The following FSIP2 variants were observed in gnomAD, a reference collection of about 807,000 sequenced individuals.
FSIP2 encodes fibrous sheath-interacting protein 2.
In FSIP2, 367 loss-of-function variants were observed where a neutral mutation model predicts 510.5. The ratio of observed to expected loss-of-function variants is 0.72; its 90% CI spans 0.66 to 0.78. The LOEUF is 0.78. Among genes scored for constraint, FSIP2 ranks in the 30% least tolerant of loss-of-function variants. The pLI, the probability that FSIP2 is intolerant of heterozygous loss-of-function variation, is 0.00. For synonymous variants in FSIP2, 2,601 were observed against 2,732.2 expected (o/e 0.95, Z 1.50); for missense variants, 7,594 against 7,901.7 (o/e 0.96, Z 1.48).
chr2:185,810,414 C>T (rs1374715684), intron 17 of FSIP2, among the ~76,000 whole-genome samples: 2 of 151,960 alleles, frequency 1.3e-5, no homozygotes, highest in African/African-American at 4.8e-5. Context: ...CCTGCCTTCA[C>T]TTTGTGATGT....
Position 185,809,013 on chromosome 2 carries a change from G to C in FSIP2, c.19707G>C (p.Leu6569=), listed in dbSNP as rs1215249913. ...GAACTGGACATAGCATAGCAGAACT[G>C]AGAAGAGCATCAATAAGTGGGAGAA... The part of the protein sequence containing the change: ...LKRTGHSIAE[L]RRASISGRNY... The change falls in exon 17 of 23, where the codon CTG becomes CTC. Residue 6569 remains leucine (L), a synonymous_variant. Transcript: ENST00000424728. 6.2e-7 allele frequency: 1 copy of C among 1,612,682 alleles called. No homozygotes were observed. Among genetic ancestry groups the C allele is most frequent in the Non-Finnish European group, 8.5e-7 (1 of 1,179,480 alleles).
Position 185,828,148 on chromosome 2 carries a change from C to G in FSIP2, c.20474-8C>G. ...ACTATTTTACTTTTTTTTTTTTAAT[C>G]TCTACAGAAAGTTCTCAGGAACAAA... On this transcript the variant is annotated splice_region_variant and splice_polypyrimidine_tract_variant and intron_variant, in intron 20 of 22. Coordinates refer to ENST00000424728, the MANE Select transcript of FSIP2 (RefSeq NM_173651.4). 6.7e-7 allele frequency: 1 copy of G among 1,503,152 alleles called. No homozygotes were observed. Among genetic ancestry groups the G allele is most frequent in the Non-Finnish European group, 9.1e-7 (1 of 1,093,290 alleles). 93.1% of individuals were successfully genotyped at this position (1,503,152 alleles called of 1,614,324 possible).
rs997724712 is a variant in FSIP2, at chr2:185,819,609, T to C, written c.20426+4138T>C. ...GATAATAATTAAAAACATATACAAA[T>C]GGTCTGCAGCTTAATGAAAATTTGA... is the stretch of plus-strand genomic sequence containing the variant. On this transcript the variant is annotated intron_variant, in intron 19 of 22. Transcript: ENST00000424728. 9.6e-5 allele frequency among the ~76,000 whole-genome samples: 14 copies of C among 145,378 alleles called. No individual in the cohort carries two copies. In the South Asian group the frequency reaches 1.7e-3, roughly 18 times the overall value.
chr2:185,768,724 A>T (rs1224261195), intron 13 of FSIP2, among the ~76,000 whole-genome samples: 1 of 151,696 alleles, frequency 6.6e-6, no homozygotes, highest in African/African-American at 2.4e-5. Context: ...TTATTTCATC[A>T]CTCTGGTACT....
In FSIP2 at chr2:185,804,592, C is replaced by A. The variant is rs1693516739; in HGVS notation, c.15286C>A (p.Leu5096Ile). ...PQADNIIRNVLNIITKDSHAL... is the reference protein window; with the variant it reads ...PQADNIIRNVINIITKDSHAL... Reference sequence around the variant, plus strand: ...AGCTGATAATATCATCAGAAATGTGCTTAACATAATCACAAAGGATAGCCA... The same window carrying A: ...AGCTGATAATATCATCAGAAATGTGATTAACATAATCACAAAGGATAGCCA... The change falls in exon 17 of 23, where the codon CTT becomes ATT. Residue 5096 changes from leucine (L) to isoleucine (I), a missense_variant. Physicochemically the swap from Leu to Ile is conservative, Grantham distance 5. Transcript: ENST00000424728. 6.5e-7 allele frequency: 1 copy of A among 1,533,038 alleles called. No homozygotes were observed. The highest frequency in any genetic ancestry group is 2.0e-5 in the Admixed American group (1 of 50,770). 95.0% of individuals were successfully genotyped at this position (1,533,038 alleles called of 1,614,324 possible). A position where few individuals can be genotyped will look rare whatever the true frequency, so the allele number is the denominator to read the frequency against.
chr2:185,770,718 G>A (rs566161306), intron 13 of FSIP2, among the ~76,000 whole-genome samples: 3 of 152,082 alleles, frequency 2.0e-5, no homozygotes, highest in South Asian at 4.2e-4. Flanking sequence ...TTTTTATATT[G>A]CAAAATACAA....
rs1334514748 is a variant in FSIP2 at position 185,789,438 on chromosome 2, T to C, written c.2302T>C (p.Ser768Pro). 1.6e-5 allele frequency: 25 copies of C among 1,534,530 alleles called. 1 individual carries two copies. Among genetic ancestry groups the C allele is most frequent in the Non-Finnish European group, 2.2e-5 (25 of 1,145,866 alleles). Residue 768 changes from serine (S) to proline (P), a missense_variant, in exon 16 of 23, where the codon TCT becomes CCT. By Grantham distance (74) the Ser-to-Pro change is moderately conservative. Coordinates refer to ENST00000424728, the MANE Select transcript of FSIP2 (RefSeq NM_173651.4). ...GGAAAATATGCTTGAGAAGTTAGAGTCTGCAGTTGAGAAAAAATGTGTTGA... is the reference window on the plus strand; with the variant it reads ...GGAAAATATGCTTGAGAAGTTAGAGCCTGCAGTTGAGAAAAAATGTGTTGA... ...IVENMLEKLE[S>P]AVEKKCVEMF...
At chr2:185,769,147 A>G (rs914902482) in intron 13 of FSIP2, among the ~76,000 whole-genome samples, 1 of 152,180 alleles carries the variant, frequency 6.6e-6, no homozygotes, top group East Asian at 1.9e-4. Flanking sequence ...TTGGGTATAT[A>G]GCCAGTAATG....
In FSIP2 at chr2:185,802,623, T is replaced by C; in HGVS notation, c.13317T>C (p.Ile4439=). Residue 4439 remains isoleucine, a synonymous_variant, in exon 17 of 23, where the codon ATT becomes ATC. Coordinates refer to ENST00000424728, the MANE Select transcript of FSIP2 (RefSeq NM_173651.4). ...STYSNSVAEN[I]VQDILSNISK... Reference sequence around the variant, plus strand: ...ATTCTAATTCAGTGGCTGAGAATATTGTTCAGGACATCCTTAGTAACATCA... The same window carrying C: ...ATTCTAATTCAGTGGCTGAGAATATCGTTCAGGACATCCTTAGTAACATCA... The C allele has an allele frequency of 6.5e-7, 1 of 1,533,794 alleles. No homozygotes were observed. The highest frequency in any genetic ancestry group is 8.7e-7 in the Non-Finnish European group (1 of 1,145,376).
Position 185,800,087 on chromosome 2 carries a change from G to T in FSIP2, c.10781G>T (p.Gly3594Val), listed in dbSNP as rs1213682422. The T allele has an allele frequency of 6.5e-7, 1 of 1,532,548 alleles. No homozygotes were observed. The highest frequency in any genetic ancestry group is 1.2e-5 in the South Asian group (1 of 83,966). 94.9% of individuals were successfully genotyped at this position (1,532,548 alleles called of 1,614,324 possible). A position where few individuals can be genotyped will look rare whatever the true frequency, so the allele number is the denominator to read the frequency against. The change falls in exon 17 of 23, where the codon GGA (glycine) becomes GTA (valine). Residue 3594 changes from glycine (G) to valine (V), a missense_variant. Gly to Val is a moderately radical substitution (Grantham distance 109). Transcript: ENST00000424728. ...CCTACAAAATACACTTACTGTCCAG[G>T]AATAGTTTCTGGTGGCTTTGATGAC... Reference protein sequence around the residue: ...AIPTKYTYCPGIVSGGFDDLF... With the variant: ...AIPTKYTYCPVIVSGGFDDLF...
At position 185,807,806 on chromosome 2, in the gene FSIP2, A is replaced by C; in HGVS notation, c.18500A>C (p.Lys6167Thr). 6.2e-7 allele frequency: 1 copy of C among 1,612,592 alleles called. No homozygotes were observed. The highest frequency in any genetic ancestry group is 8.5e-7 in the Non-Finnish European group (1 of 1,179,230). Residue 6167 changes from lysine (K) to threonine (T), a missense_variant, in exon 17 of 23, where the codon AAA becomes ACA. Lys to Thr is a moderately conservative substitution (Grantham distance 78). Transcript: ENST00000424728. Reference protein sequence around the residue: ...VFQTTDVPLPKPSHADKLSYN... With the variant: ...VFQTTDVPLPTPSHADKLSYN... ...CAAACTACTGATGTGCCCCTACCTAAACCTTCACATGCTGATAAGCTGTCT... is the reference window on the plus strand; with the variant it reads ...CAAACTACTGATGTGCCCCTACCTACACCTTCACATGCTGATAAGCTGTCT...
chr2:185,813,453 A>C lies in FSIP2; in HGVS notation c.19828-92A>C, dbSNP rs1255017661. On this transcript the variant is annotated intron_variant, in intron 17 of 22. Coordinates refer to ENST00000424728, the MANE Select transcript of FSIP2 (RefSeq NM_173651.4). The stretch of plus-strand genomic sequence containing the variant: ...TGAAGATATTACTTAAATCAAAACT[A>C]GAAATTATAAGAAAATAGCTACATC... The C allele has an allele frequency of 1.6e-5, 11 of 680,562 alleles. No homozygotes were observed. In the South Asian group the frequency reaches 2.7e-4, roughly 17 times the overall value. 42.2% of individuals were successfully genotyped at this position (680,562 alleles called of 1,614,324 possible).
chr2:185,789,282 A>G lies in FSIP2; in HGVS notation c.2146A>G (p.Met716Val). 1 of 1,534,708 alleles carries G rather than the reference A, an allele frequency of 6.5e-7. No homozygotes were observed. The highest frequency in any genetic ancestry group is 8.7e-7 in the Non-Finnish European group (1 of 1,145,976). Residue 716 changes from methionine to valine, a missense_variant, in exon 16 of 23, where the codon ATG becomes GTG. Physicochemically the swap from Met to Val is conservative, Grantham distance 21 (BLOSUM62 1). Transcript: ENST00000424728. The stretch of plus-strand genomic sequence containing the variant: ...TTTAGAAAGCATTTTGCGAGAAATA[A>G]TGTCTGATTTAACCCAGGCCATTCC... Reference protein sequence around the residue: ...VILESILREIMSDLTQAIPSL... With the variant: ...VILESILREIVSDLTQAIPSL...
intron 18 of FSIP2, 21 bp from the exon 19 acceptor site, chr2:185,815,350 A>T (rs755819399): frequency 4.8e-6 from 5 of 1,046,610 alleles, no homozygotes; most frequent in Non-Finnish European, 1.5e-6. Context: ...TTAGTGTAAT[A>T]GCTGATTTGT....
rs1559026257 is a variant in FSIP2 at position 185,791,179 on chromosome 2, TTGA to T, written c.4050_4052del (p.Asp1351del). The T allele has an allele frequency of 6.5e-7, 1 of 1,533,848 alleles. No individual in the cohort carries two copies. The highest frequency in any genetic ancestry group is 2.0e-5 in the Admixed American group (1 of 50,844). On this transcript the variant is annotated inframe_deletion, in exon 16 of 23. Coordinates refer to ENST00000424728, the MANE Select transcript of FSIP2 (RefSeq NM_173651.4). ...AAATTAGAATCTCTTGTCACGAGTA[TTGA>T]TGATGACATTTTGGCGAGTCCATTA... is the stretch of plus-strand genomic sequence containing the variant.
Position 185,804,435 on chromosome 2 carries a change from T to A in FSIP2, c.15129T>A (p.His5043Gln). 1 of 1,512,412 alleles carries A rather than the reference T, an allele frequency of 6.6e-7. No individual in the cohort carries two copies. 93.7% of individuals were successfully genotyped at this position (1,512,412 alleles called of 1,614,324 possible). ...AATATAAATCTCTGATTCAAATACA[T>A]AGGGTTATACAAAGTGACACAATAT... ...LDQYKSLIQI[H>Q]RVIQSDTICF... Residue 5043 changes from histidine to glutamine, a missense_variant, in exon 17 of 23, where the codon CAT becomes CAA. By Grantham distance (24) the His-to-Gln change is conservative (BLOSUM62 0). Coordinates refer to ENST00000424728, the MANE Select transcript of FSIP2 (RefSeq NM_173651.4).
intron 13 of FSIP2, chr2:185,764,832 T>C (rs1463217371): frequency 6.9e-6 from 2 of 287,836 alleles, no homozygotes; most frequent in Non-Finnish European, 6.4e-6. Flanking sequence ...AGGGTCATCA[T>C]AGAAGCCTTT....
rs1004001997 is a variant in FSIP2 at position 185,753,808 on chromosome 2, T to G, written c.957T>G (p.Asn319Lys). 3 of 1,487,524 alleles carry G rather than the reference T, an allele frequency of 2.0e-6. No homozygotes were observed. The Admixed American group carries it at 6.7e-5, about 33-fold the overall frequency. The allele number at this position is 1,487,524 out of a possible 1,614,324, so 92.1% of individuals were successfully genotyped here. The change falls in exon 8 of 23, where the codon AAT becomes AAG. Residue 319 changes from asparagine to lysine, a missense_variant. Coordinates refer to ENST00000424728, the MANE Select transcript of FSIP2 (RefSeq NM_173651.4). ...TTAACGGAGAAGATATAGGAAAAAA[T>G]ACATTTAAATACAGAGGTCAAGATG... is the stretch of plus-strand genomic sequence containing the variant. ...TGFNGEDIGK[N>K]TFKYRGQDGT...
At chr2:185,827,216 CT>C (rs1231506828) in intron 20 of FSIP2, among the ~76,000 whole-genome samples, 1 of 151,764 alleles carries the variant, frequency 6.6e-6, no homozygotes, top group African/African-American at 2.4e-5. Context: ...TTGTCAGTTA[CT>C]TTAATCACTT....
Sources: gnomAD v4.1 joint callset for allele counts (sites outside exome capture counted in the v4.1 genomes callset) on GRCh38, gnomAD v4.1.1 for gene constraint, MANE v1.5 for transcripts, NCBI Gene and HGNC (gene_info 2026-07-23, HGNC 2026-07-21) for gene names.